Variants in CDH7 observed in about 807,000 individuals in gnomAD.
CDH7 encodes the protein cadherin-7.
In CDH7, 25 loss-of-function variants were observed where a neutral mutation model predicts 71.8. That is an observed-to-expected ratio of 0.35 (90% CI 0.25 to 0.49). CDH7 has a LOEUF of 0.49. Ranked by LOEUF, CDH7 falls within the 20% of genes least tolerant of loss-of-function variation. The pLI is 0.99. For synonymous variants in CDH7, 381 were observed against 363.8 expected (o/e 1.05, Z -0.54); for missense variants, 862 against 974.6 (o/e 0.88, Z 1.54).
chr18:65,841,719 C>A (rs1162725191), intron 6 of CDH7, among the ~76,000 whole-genome samples: 3 of 152,060 alleles, frequency 2.0e-5, no homozygotes, highest in Non-Finnish European at 2.9e-5. Flanking sequence ...GGATTTGCTT[C>A]AGAATCACTT....
Position 65,800,024 on chromosome 18 carries a change from T to C in CDH7, c.211-9680T>C, listed in dbSNP as rs575539737. On this transcript the variant is annotated intron_variant, in intron 2 of 11. Transcript: ENST00000397968. ...ACAGTTCCCTTTTGAGTAAAATATATAAAACAAATCAAAACAGATTAAATT... is the reference window on the plus strand; with the variant it reads ...ACAGTTCCCTTTTGAGTAAAATATACAAAACAAATCAAAACAGATTAAATT... Among the ~76,000 whole-genome samples the C allele has an allele frequency of 1.1e-4, 17 of 152,312 alleles. No homozygotes were observed. In the East Asian group the frequency reaches 2.1e-3, roughly 19 times the overall value.
chr18:65,845,455 T>G (rs1464035470), intron 7 of CDH7, among the ~76,000 whole-genome samples: 1 of 152,102 alleles, frequency 6.6e-6, no homozygotes, highest in Non-Finnish European at 1.5e-5. Flanking sequence ...TCTCTGTAAT[T>G]GCCCTGCCTT....
chr18:65,858,565 G>A (rs1057030268), intron 8 of CDH7, among the ~76,000 whole-genome samples: 1 of 151,484 alleles, frequency 6.6e-6, no homozygotes, highest in Non-Finnish European at 1.5e-5. Context: ...TCTCATCAGG[G>A]ACTAAAAAAC....
At chr18:65,876,758 C>T (rs753805207) in intron 11 of CDH7, among the ~76,000 whole-genome samples, 6 of 152,122 alleles carry the variant, frequency 3.9e-5, no homozygotes, top group Non-Finnish European at 7.3e-5. Flanking sequence ...CCCACGGAAT[C>T]GTAAGGTCCA....
intron 6 of CDH7, among the ~76,000 whole-genome samples, chr18:65,836,901 G>A (rs1912550542): frequency 6.6e-6 from 1 of 151,854 alleles, no homozygotes; most frequent in Non-Finnish European, 1.5e-5. Flanking sequence ...ATAAAGTTAG[G>A]ATCTTTTTAT....
intron 11 of CDH7, among the ~76,000 whole-genome samples, chr18:65,877,398 A>G (rs1306710621): frequency 6.6e-6 from 1 of 152,002 alleles, no homozygotes; most frequent in Non-Finnish European, 1.5e-5. Flanking sequence ...ATTGATATAT[A>G]CTATATATAG....
intron 2 of CDH7, among the ~76,000 whole-genome samples, chr18:65,792,137 A>G (rs1184244065): frequency 6.6e-6 from 1 of 150,582 alleles, no homozygotes; most frequent in Non-Finnish European, 1.5e-5. Context: ...GGCTCTTAAA[A>G]GTTCTAGCTA....
intron 2 of CDH7, among the ~76,000 whole-genome samples, chr18:65,768,210 A>G (rs1471350833): frequency 1.4e-5 from 2 of 146,338 alleles, no homozygotes; most frequent in Non-Finnish European, 3.0e-5. Flanking sequence ...ACTGCAGTCT[A>G]TATGCGTTGT....
chr18:65,864,344 A>G (rs1370715858), intron 11 of CDH7, among the ~76,000 whole-genome samples: 1 of 151,720 alleles, frequency 6.6e-6, no homozygotes, highest in Admixed American at 6.6e-5. Context: ...AAATTCTTAA[A>G]TGTTCTTAAA....
intron 7 of CDH7, among the ~76,000 whole-genome samples, chr18:65,847,006 T>C (rs1204049779): frequency 7.7e-6 from 1 of 129,218 alleles, no homozygotes; most frequent in Non-Finnish European, 1.7e-5. Flanking sequence ...ATATTGACAA[T>C]CTATATTGCA....
In CDH7 at chr18:65,857,737, A is replaced by C; in HGVS notation, c.1236-79A>C. The C allele has an allele frequency of 4.3e-6, 6 of 1,393,778 alleles. No homozygotes were observed. The Admixed American group carries it at 1.1e-4, about 25-fold the overall frequency. 86.3% of individuals were successfully genotyped at this position (1,393,778 alleles called of 1,614,324 possible). A position where few individuals can be genotyped will look rare whatever the true frequency, so the allele number is the denominator to read the frequency against. ...TCAGTAGGATTTAGTAATGAGCTAC[A>C]CAAATAATGAAATAGTTTCAGCAAA... On this transcript the variant is annotated intron_variant, in intron 7 of 11. Transcript: ENST00000397968.
At chr18:65,784,574 T>C (rs539724917) in intron 2 of CDH7, among the ~76,000 whole-genome samples, 5 of 152,316 alleles carry the variant, frequency 3.3e-5, no homozygotes, top group South Asian at 2.1e-4. Flanking sequence ...AGTTAAAATA[T>C]ACCATTAGGA....
intron 6 of CDH7, among the ~76,000 whole-genome samples, chr18:65,836,606 T>C (rs2143971573): frequency 6.6e-6 from 1 of 152,226 alleles, no homozygotes; most frequent in Middle Eastern, 3.4e-3. Flanking sequence ...GCACTTTCTA[T>C]CTACTGGTAA....
chr18:65,761,771 T>C (rs191069283), intron 1 of CDH7, among the ~76,000 whole-genome samples: 94 of 152,254 alleles, frequency 6.2e-4, no homozygotes, highest in Non-Finnish European at 1.1e-3. Context: ...CTGAAATAAA[T>C]AGACATTAGA....
chr18:65,774,562 C>T (rs1333651364), intron 2 of CDH7, among the ~76,000 whole-genome samples: 2 of 151,944 alleles, frequency 1.3e-5, no homozygotes, highest in Admixed American at 6.6e-5. Flanking sequence ...GCTGTGGGGG[C>T]CTGACACTTC....
chr18:65,787,236 A>G (rs991001247), intron 2 of CDH7, among the ~76,000 whole-genome samples: 1 of 152,200 alleles, frequency 6.6e-6, no homozygotes, highest in Non-Finnish European at 1.5e-5. Context: ...CATCGTTTTA[A>G]ATGTATCAAA....
intron 2 of CDH7, among the ~76,000 whole-genome samples, chr18:65,773,949 A>C (rs939430964): frequency 6.6e-6 from 1 of 152,100 alleles, no homozygotes; most frequent in African/African-American, 2.4e-5. Flanking sequence ...TTAAATGAAC[A>C]CTTAAAAAAA....
chr18:65,864,821 G>A (rs1056656979), intron 11 of CDH7, among the ~76,000 whole-genome samples: 1 of 150,812 alleles, frequency 6.6e-6, no homozygotes, highest in Non-Finnish European at 1.5e-5. Context: ...AACCCAGGAG[G>A]CGGAGCTGGC....
rs17075245 is a variant in CDH7 at position 65,814,579 on chromosome 18, G to A, written c.600G>A (p.Pro200=). 3.0e-3 allele frequency: 4,862 copies of A among 1,612,964 alleles called. 117 individuals are homozygous for A. In the African/African-American group the frequency reaches 0.055, roughly 18 times the overall value. ...RVVYSILQGQ[P]YFSVEPKTGV... The stretch of plus-strand genomic sequence containing the variant: ...TCTACAGTATTCTGCAAGGACAGCC[G>A]TACTTCTCAGTGGAGCCAAAGACAG... Residue 200 remains proline (P), a synonymous_variant, in exon 4 of 12, where the codon CCG becomes CCA. Transcript: ENST00000397968.
Sources: gnomAD v4.1 joint callset for allele counts (sites outside exome capture counted in the v4.1 genomes callset) on GRCh38, gnomAD v4.1.1 for gene constraint, MANE v1.5 for transcripts, NCBI Gene and HGNC (gene_info 2026-07-23, HGNC 2026-07-21) for gene names.